Variants in ARSL observed in about 807,000 individuals in gnomAD.
ARSL encodes arylsulfatase L.
ARSL carries 4 observed loss-of-function variants against 31.1 expected under a neutral mutation model. That is an observed-to-expected ratio of 0.13 (90% CI 0.06 to 0.29). The LOEUF is 0.29. Among genes scored for constraint, ARSL ranks in the 10% least tolerant of loss-of-function variants. The pLI is 1.00. For synonymous variants in ARSL, 198 were observed against 209.9 expected, an observed-to-expected ratio of 0.94 and a Z score of 0.49; for missense variants, 312 against 497.8, an observed-to-expected ratio of 0.63 and a Z score of 3.55.
Position 2,934,834 on chromosome X carries a change from A to T in ARSL, c.1768T>A (p.Ter590LysextTer12). The T allele has an allele frequency of 8.4e-7, 1 of 1,196,385 alleles. No homozygotes were observed. Among genetic ancestry groups the T allele is most frequent in the Non-Finnish European group, 1.1e-6 (1 of 885,942 alleles). ...CWCLREDDPQ[*>K] ...CTCCAGCTTTTCACTGCAGACATTT[A>T]TTGTGGGTCATCTTCCCTAAGGCAC... The change falls in exon 11 of 11, where the codon TAA becomes AAA. Residue 590 changes from the stop codon to lysine, a stop_lost. Transcript: ENST00000381134.
At chrX:2,953,323 A>T (rs2147389682) in intron 4 of ARSL, 58 bp from the exon 5 acceptor site, 1 of 1,116,320 alleles carries the variant, frequency 9.0e-7, no homozygotes, top group South Asian at 1.9e-5. Context: ...CCTGTTTGTT[A>T]TTTATTATTT....
chrX:2,956,997 A>T (rs181346073), intron 3 of ARSL, among the ~76,000 whole-genome samples: 2,346 of 105,205 alleles, frequency 0.022, 62 homozygotes, highest in African/African-American at 0.076. Flanking sequence ...TGAGGCAGGC[A>T]GATCACGAGG....
At chrX:2,953,690 C>T (rs778060915) in intron 4 of ARSL, among the ~76,000 whole-genome samples, 1 of 109,958 alleles carries the variant, frequency 9.1e-6, no homozygotes, top group Non-Finnish European at 1.9e-5. Context: ...GTAGCTGGGA[C>T]TACAGGTGTG....
At chrX:2,945,350 A>G (rs1212326499) in intron 7 of ARSL, among the ~76,000 whole-genome samples, 3 of 111,790 alleles carry the variant, frequency 2.7e-5, no homozygotes, top group Non-Finnish European at 3.8e-5. Context: ...TGTAGGTGAT[A>G]GGAGGAAATT....
chrX:2,964,570 G>A (rs141133480), upstream of ARSL: 685 of 499,392 alleles, frequency 1.4e-3, 4 homozygotes, highest in African/African-American at 0.016. Flanking sequence ...GCCCTCCTTG[G>A]CCTCCCGAAG....
rs1236251661 is a variant in ARSL at position 2,955,321 on chromosome X, TTTA to T, written c.307+92_307+94del. The T allele has an allele frequency of 3.1e-5, 33 of 1,080,324 alleles. No homozygotes were observed. In the Admixed American group the frequency reaches 8.7e-4, roughly 28 times the overall value. 89.0% of individuals were successfully genotyped at this position (1,080,324 alleles called of 1,213,427 possible). On this transcript the variant is annotated intron_variant, in intron 4 of 10. Transcript: ENST00000381134. ...TAGAGAGAACACCCCCCAGTCTCTA[TTTA>T]AATAAAAAATAAAAAAACCAAAATG...
At chrX:2,958,477 GA>G (rs2089557870) in intron 2 of ARSL, 42 bp from the exon 3 acceptor site, 14 of 1,197,048 alleles carry the variant, frequency 1.2e-5, no homozygotes, top group Non-Finnish European at 1.6e-5. Flanking sequence ...CTCATTTGCA[GA>G]ACTTGTGTAT....
intron 4 of ARSL, among the ~76,000 whole-genome samples, chrX:2,954,556 A>T (rs1283901915): frequency 8.9e-6 from 1 of 111,917 alleles, no homozygotes; most frequent in East Asian, 2.8e-4. Context: ...TCAGCCTCTC[A>T]AAGTGCTGGG....
In ARSL at chrX:2,957,506, C is replaced by T. The variant is rs372715031; in HGVS notation, c.185+768G>A. ...GGTGAATCACTTGAGGCCAGGAGTT[C>T]GAGACCAGCCTGGCCAATATGGCAA... On this transcript the variant is annotated intron_variant, in intron 3 of 10. Coordinates refer to ENST00000381134, the MANE Select transcript of ARSL (RefSeq NM_000047.3). 4.3e-4 allele frequency among the ~76,000 whole-genome samples: 47 copies of T among 108,476 alleles called. No individual in the cohort carries two copies. In the East Asian group the frequency reaches 0.011, roughly 26 times the overall value. The allele number at this position is 108,476 out of a possible 115,157, so 94.2% of individuals were successfully genotyped here.
chrX:2,936,552 C>T (rs191281690), intron 10 of ARSL, among the ~76,000 whole-genome samples, 190 bp downstream of exon 10: 50 of 111,140 alleles, frequency 4.5e-4, no homozygotes, highest in East Asian at 4.2e-3. Context: ...GAAGGCATGT[C>T]GCTGGAATGA....
At chrX:2,965,879 C>T (rs994299290), upstream of ARSL, among the ~76,000 whole-genome samples, 3 of 112,052 alleles carry the variant, frequency 2.7e-5, no homozygotes, top group African/African-American at 9.7e-5. Context: ...CCAGCCTGGG[C>T]GGCAGAGTGA....
chrX:2,944,184 A>G (rs779804621), intron 7 of ARSL, among the ~76,000 whole-genome samples: 9 of 109,803 alleles, frequency 8.2e-5, no homozygotes, highest in Middle Eastern at 4.6e-3. Flanking sequence ...GGCCAGGCGC[A>G]GTGGCTCATC....
intron 5 of ARSL, among the ~76,000 whole-genome samples, chrX:2,952,231 T>C (rs1481851690): frequency 8.9e-6 from 1 of 112,071 alleles, no homozygotes; most frequent in East Asian, 2.8e-4. Context: ...CAGAAATTTT[T>C]GATGCAAGAA....
chrX:2,935,285 C>A (rs1007447288), intron 10 of ARSL, 95 bp from the exon 11 acceptor site: 2 of 842,017 alleles, frequency 2.4e-6, no homozygotes, highest in Admixed American at 4.7e-5. Flanking sequence ...TAGGCCTAAC[C>A]CAAGCGTCCA....
intron 2 of ARSL, among the ~76,000 whole-genome samples, chrX:2,960,073 T>G (rs1183599133): frequency 1.9e-5 from 2 of 102,833 alleles, no homozygotes; most frequent in South Asian, 4.7e-4. Context: ...ATCGAGACCA[T>G]CCTGGCTAAC....
intron 5 of ARSL, among the ~76,000 whole-genome samples, chrX:2,951,602 A>C: frequency 1.1e-5 from 1 of 87,888 alleles, no homozygotes; most frequent in Non-Finnish European, 2.2e-5. Flanking sequence ...GCATGGGAAG[A>C]CCCCATCTCT....
chrX:2,960,169 T>C (rs2089596070), intron 2 of ARSL, among the ~76,000 whole-genome samples: 1 of 79,040 alleles, frequency 1.3e-5, no homozygotes, highest in African/African-American at 4.8e-5. Flanking sequence ...CTCGGGAGGC[T>C]GAGGCAGGAG....
intron 8 of ARSL, among the ~76,000 whole-genome samples, chrX:2,939,145 G>A (rs1206274593): frequency 3.6e-5 from 4 of 111,628 alleles, no homozygotes; most frequent in South Asian, 3.8e-4. Context: ...CAAGATCGTC[G>A]CGGAGAAGGA....
intron 7 of ARSL, among the ~76,000 whole-genome samples, 154 bp from the exon 8 acceptor site, chrX:2,943,353 C>T (rs1364786149): frequency 9.0e-6 from 1 of 111,691 alleles, no homozygotes; most frequent in African/African-American, 3.3e-5. Flanking sequence ...ATTTTGATAT[C>T]CTTTGTTGGA....
Sources: gnomAD v4.1 joint callset for allele counts (sites outside exome capture counted in the v4.1 genomes callset) on GRCh38, gnomAD v4.1.1 for gene constraint, MANE v1.5 for transcripts, NCBI Gene and HGNC (gene_info 2026-07-23, HGNC 2026-07-21) for gene names.